PDE3B: variants seen among roughly 807,000 people sequenced by gnomAD.
PDE3B encodes phosphodiesterase 3B.
PDE3B carries 66 observed loss-of-function variants against 116.8 expected under a neutral mutation model. The ratio of observed to expected loss-of-function variants is 0.56; its 90% CI spans 0.46 to 0.69. The LOEUF is 0.69. Ranked by LOEUF, PDE3B falls within the 30% of genes least tolerant of loss-of-function variation. The pLI, the probability that PDE3B is intolerant of heterozygous loss-of-function variation, is 0.00. For missense variants in PDE3B, 1,384 were observed against 1,368.1 expected (o/e 1.01, Z -0.18); for synonymous variants, 595 against 533.6 (o/e 1.12, Z -1.59).
At chr11:14,717,676 C>G (rs1469162387) in intron 1 of PDE3B, among the ~76,000 whole-genome samples, 1 of 128,582 alleles carries the variant, frequency 7.8e-6, no homozygotes, top group Admixed American at 8.2e-5. Context: ...AAGTAAGCTT[C>G]ATAAGTGAAG....
Position 14,789,204 on chromosome 11 carries a change from T to C in PDE3B, c.1377T>C (p.Asn459=). 6.2e-7 allele frequency: 1 copy of C among 1,610,316 alleles called. No homozygotes were observed. Among genetic ancestry groups the C allele is most frequent in the Non-Finnish European group, 8.5e-7 (1 of 1,177,694 alleles). Reference sequence around the variant, plus strand: ...AACAGTCTTCAAGGTGGGATCGTAATAATGGCAAAAGACCTCACCAAGAAT... The same window carrying C: ...AACAGTCTTCAAGGTGGGATCGTAACAATGGCAAAAGACCTCACCAAGAAT... ...PVEQSSRWDR[N]NGKRPHQEFG... The change falls in exon 4 of 16, where the codon AAT becomes AAC. Residue 459 remains asparagine (N), a synonymous_variant. Coordinates refer to ENST00000282096, the MANE Select transcript of PDE3B (RefSeq NM_000922.4).
At chr11:14,786,383 A>G (rs985916335) in intron 2 of PDE3B, 54 bp from the exon 3 acceptor site, 15 of 1,325,530 alleles carry the variant, frequency 1.1e-5, no homozygotes, top group Non-Finnish European at 1.6e-5. Flanking sequence ...ACCATTTGTT[A>G]TATCATTTAT....
At chr11:14,781,952 A>T (rs560843314) in intron 2 of PDE3B, among the ~76,000 whole-genome samples, 1 of 152,348 alleles carries the variant, frequency 6.6e-6, no homozygotes, top group African/African-American at 2.4e-5. Context: ...CTGATAAGCA[A>T]CTTCAGCAAA....
chr11:14,712,251 A>G (rs1409990571), intron 1 of PDE3B, among the ~76,000 whole-genome samples: 4 of 151,680 alleles, frequency 2.6e-5, no homozygotes, highest in African/African-American at 9.7e-5. Flanking sequence ...ACACCTAGCT[A>G]ATTTTTTATT....
At chr11:14,654,786 C>T (rs1187790173) in intron 1 of PDE3B, among the ~76,000 whole-genome samples, 1 of 117,496 alleles carries the variant, frequency 8.5e-6, no homozygotes, top group African/African-American at 3.5e-5. Context: ...CAGCAGCTGT[C>T]TACACACACA....
chr11:14,667,200 C>G (rs992459994), intron 1 of PDE3B, among the ~76,000 whole-genome samples: 6 of 149,534 alleles, frequency 4.0e-5, no homozygotes, highest in Non-Finnish European at 7.4e-5. Context: ...AACCAAACAC[C>G]ACATATTCTC....
intron 1 of PDE3B, among the ~76,000 whole-genome samples, chr11:14,650,445 C>T (rs1333760591): frequency 2.0e-5 from 3 of 152,136 alleles, no homozygotes; most frequent in Non-Finnish European, 4.4e-5. Context: ...GGGCTCTAGC[C>T]ATCTGCCCAC....
At chr11:14,893,964 A>G in the PDE3B span, among the ~76,000 whole-genome samples, 1 of 152,216 alleles carries the variant, frequency 6.6e-6, no homozygotes, top group African/African-American at 2.4e-5. Flanking sequence ...ATCAAGGGCA[A>G]AGGCTTCATA....
intron 7 of PDE3B, among the ~76,000 whole-genome samples, chr11:14,829,084 A>G (rs575746434): frequency 2.6e-5 from 4 of 152,242 alleles, no homozygotes; most frequent in African/African-American, 7.2e-5. Context: ...GTTCTCACTT[A>G]TAAGTGGGAG....
chr11:14,769,795 A>G (rs1295510737), intron 1 of PDE3B, among the ~76,000 whole-genome samples: 2 of 133,978 alleles, frequency 1.5e-5, no homozygotes, highest in South Asian at 4.7e-4. Flanking sequence ...AATTTTCAAG[A>G]TTTTTTTTTT....
At chr11:14,712,939 C>G (rs1855753242) in intron 1 of PDE3B, among the ~76,000 whole-genome samples, 2 of 152,138 alleles carry the variant, frequency 1.3e-5, no homozygotes, top group Non-Finnish European at 2.9e-5. Context: ...TTTGGTTATA[C>G]CTTGTGCCAT....
chr11:14,842,612 A>G (rs1847499212), intron 11 of PDE3B, among the ~76,000 whole-genome samples: 2 of 152,140 alleles, frequency 1.3e-5, no homozygotes, highest in Admixed American at 1.3e-4. Flanking sequence ...AGTGGTACAT[A>G]ACTCTAGTCC....
At chr11:14,678,081 A>G (rs543056897) in intron 1 of PDE3B, among the ~76,000 whole-genome samples, 2 of 152,098 alleles carry the variant, frequency 1.3e-5, no homozygotes, top group South Asian at 4.2e-4. Context: ...GGCATGCACC[A>G]CCACGCCTGG....
At chr11:14,722,581 A>C (rs1186301729) in intron 1 of PDE3B, among the ~76,000 whole-genome samples, 2 of 152,206 alleles carry the variant, frequency 1.3e-5, no homozygotes, top group African/African-American at 4.8e-5. Context: ...CATTTTTATC[A>C]TATATTTACA....
chr11:14,872,767 G>A (rs939558033), downstream of PDE3B, among the ~76,000 whole-genome samples: 1 of 152,116 alleles, frequency 6.6e-6, no homozygotes, highest in Non-Finnish European at 1.5e-5. Flanking sequence ...GATACAAAAA[G>A]TTGGCCCTCT....
At chr11:14,735,721 G>A (rs1448624391) in intron 1 of PDE3B, among the ~76,000 whole-genome samples, 2 of 152,140 alleles carry the variant, frequency 1.3e-5, no homozygotes, top group Non-Finnish European at 2.9e-5. Context: ...ATATTAGAGT[G>A]TTTTCATCAT....
intron 13 of PDE3B, among the ~76,000 whole-genome samples, chr11:14,860,272 T>C (rs1555006882): frequency 1.3e-5 from 2 of 152,136 alleles, no homozygotes; most frequent in South Asian, 2.1e-4. Context: ...TTTTGAAGTC[T>C]CTCAAAAAAA....
intron 1 of PDE3B, among the ~76,000 whole-genome samples, chr11:14,676,399 T>C (rs1648190836): frequency 6.6e-6 from 1 of 152,196 alleles, no homozygotes; most frequent in Non-Finnish European, 1.5e-5. Context: ...CTGTACTGAA[T>C]GCTGTAGGCA....
chr11:14,880,162 A>G, the PDE3B span: 29 of 1,612,674 alleles, frequency 1.8e-5, no homozygotes, highest in African/African-American at 2.7e-5. Flanking sequence ...AAGGGCCATG[A>G]AAAGAATCGC....
Sources: allele counts gnomAD v4.1 joint callset (sites outside exome capture counted in the v4.1 genomes callset), GRCh38; gene constraint gnomAD v4.1.1; transcripts MANE v1.5; gene names NCBI Gene and HGNC (gene_info 2026-07-23, HGNC 2026-07-21).